The following GOLM1 variants were observed in gnomAD, a reference collection of about 807,000 sequenced individuals.
GOLM1 encodes epididymis luminal protein 46.
A neutral mutation model predicts 50.5 loss-of-function variants in GOLM1; 31 were observed. The ratio of observed to expected loss-of-function variants is 0.61; its 90% CI spans 0.46 to 0.83. GOLM1 has a LOEUF of 0.83. Among genes scored for constraint, GOLM1 ranks in the 40% least tolerant of loss-of-function variants. The pLI, the probability that GOLM1 is intolerant of heterozygous loss-of-function variation, is 0.00. For missense variants in GOLM1, 491 were observed against 501.3 expected (o/e 0.98, Z 0.20); for synonymous variants, 178 against 192.8 (o/e 0.92, Z 0.64).
At chr9:86,087,465 T>A (rs1313210583) in intron 1 of GOLM1, among the ~76,000 whole-genome samples, 1 of 152,186 alleles carries the variant, frequency 6.6e-6, no homozygotes, top group Non-Finnish European at 1.5e-5. Context: ...TGGCCAGAAC[T>A]TCAAATACCA....
intron 9 of GOLM1, among the ~76,000 whole-genome samples, chr9:86,032,374 A>G (rs966965316): frequency 3.9e-5 from 6 of 152,084 alleles, no homozygotes; most frequent in African/African-American, 1.4e-4. Context: ...TCACCGTGTT[A>G]GCCAGGATGG....
intron 1 of GOLM1, among the ~76,000 whole-genome samples, chr9:86,083,861 C>T (rs1041459092): frequency 3.9e-5 from 6 of 152,134 alleles, no homozygotes; most frequent in African/African-American, 1.4e-4. Flanking sequence ...GCAACAAAAC[C>T]TGAACTGAGA....
chr9:86,053,646 C>CACACCATTCCAA (rs1833879843), intron 3 of GOLM1, among the ~76,000 whole-genome samples: 1 of 129,400 alleles, frequency 7.7e-6, no homozygotes, highest in Non-Finnish European at 1.6e-5. Flanking sequence ...ACACACACCA[C>CACACCATTCCAA]ACCATGCTAC....
intron 4 of GOLM1, among the ~76,000 whole-genome samples, chr9:86,051,449 C>T (rs7860018): frequency 0.3 from 45,454 of 151,902 alleles, 9,453 homozygotes; most frequent in African/African-American, 0.59. Flanking sequence ...GATCTGTCTA[C>T]TGTTGACAGT....
rs373672327 is a variant in GOLM1 at position 86,036,427 on chromosome 9, G to A, written c.678C>T (p.Asn226=). 1.8e-5 allele frequency: 29 copies of A among 1,614,106 alleles called. No homozygotes were observed. The highest frequency in any genetic ancestry group is 1.5e-4 in the South Asian group (14 of 91,076). Residue 226 remains asparagine (N), a synonymous_variant, in exon 7 of 10, where the codon AAC becomes AAT. Transcript: ENST00000388712. ...PHTEVPQGKG[N]VLGNSKSQTP... The stretch of plus-strand genomic sequence containing the variant: ...TCTGGGACTTGCTGTTACCAAGCAC[G>A]TTTCCCTTCCCTTGTGGCACCTCTG...
At chr9:86,057,243 A>G (rs527700720) in intron 3 of GOLM1, among the ~76,000 whole-genome samples, 2 of 152,342 alleles carry the variant, frequency 1.3e-5, no homozygotes, top group South Asian at 4.1e-4. Context: ...TTTCTGTATT[A>G]GATTCCTAGA....
At chr9:86,062,810 G>A (rs989864519) in intron 3 of GOLM1, among the ~76,000 whole-genome samples, 1 of 152,116 alleles carries the variant, frequency 6.6e-6, no homozygotes, top group African/African-American at 2.4e-5. Context: ...TAACCTACAC[G>A]TGACTTGGGT....
intron 1 of GOLM1, among the ~76,000 whole-genome samples, chr9:86,086,921 T>C (rs1834991817): frequency 6.6e-6 from 1 of 152,170 alleles, no homozygotes; most frequent in South Asian, 2.1e-4. Flanking sequence ...CTTAGGATTG[T>C]CTTGGCTATA....
chr9:86,035,305 TG>T, intron 8 of GOLM1, 62 bp downstream of exon 8: 3 of 1,581,702 alleles, frequency 1.9e-6, no homozygotes, highest in Non-Finnish European at 2.6e-6. Context: ...GGGAAGGACA[TG>T]GAGGTGGGCT....
At chr9:86,055,363 G>A (rs1187713773) in intron 3 of GOLM1, among the ~76,000 whole-genome samples, 3 of 152,144 alleles carry the variant, frequency 2.0e-5, no homozygotes, top group African/African-American at 7.2e-5. Context: ...CGCAGCACCT[G>A]CTACTCTTGG....
chr9:86,064,843 C>T (rs998634823), intron 3 of GOLM1, among the ~76,000 whole-genome samples: 28 of 152,348 alleles, frequency 1.8e-4, no homozygotes, highest in African/African-American at 6.7e-4. Flanking sequence ...ATCGGCTCCT[C>T]CACGTCGGTT....
rs542110345 is a variant in GOLM1, at chr9:86,083,017, T to C, written c.-21-3676A>G. Among the ~76,000 whole-genome samples, 25 of 152,348 alleles carry C rather than the reference T, an allele frequency of 1.6e-4. 1 individual carries two copies. The South Asian group carries it at 4.8e-3, about 29-fold the overall frequency. On this transcript the variant is annotated intron_variant, in intron 1 of 9. Coordinates refer to ENST00000388712, the MANE Select transcript of GOLM1 (RefSeq NM_016548.4). Reference sequence around the variant, plus strand: ...TTCAAAGGGCTGAATAGGGCACCACTGTGTGCCAAGATCTGCTTAACTGAT... The same window carrying C: ...TTCAAAGGGCTGAATAGGGCACCACCGTGTGCCAAGATCTGCTTAACTGAT...
chr9:86,033,344 T>C lies in GOLM1; in HGVS notation c.1067A>G (p.Asn356Ser). ...RGEDDYNMDE[N>S]EAESETDKQA... Reference sequence around the variant, plus strand: ...CTTGTCTGTCTCAGATTCTGCTTCATTTTCATCCATGTTGTAGTCATCTTC... The same window carrying C: ...CTTGTCTGTCTCAGATTCTGCTTCACTTTCATCCATGTTGTAGTCATCTTC... The change falls in exon 9 of 10, where the codon AAT becomes AGT. Residue 356 changes from asparagine (N) to serine (S), a missense_variant. Asn to Ser is a conservative substitution (Grantham distance 46). Coordinates refer to ENST00000388712, the MANE Select transcript of GOLM1 (RefSeq NM_016548.4). 1 of 1,613,708 alleles carries C rather than the reference T, an allele frequency of 6.2e-7. No homozygotes were observed. The highest frequency in any genetic ancestry group is 8.5e-7 in the Non-Finnish European group (1 of 1,179,576).
intron 5 of GOLM1, among the ~76,000 whole-genome samples, chr9:86,042,472 C>T (rs1833388310): frequency 6.6e-6 from 1 of 151,742 alleles, no homozygotes; most frequent in African/African-American, 2.4e-5. Flanking sequence ...GAGTTCAAAG[C>T]ACCACTGGGT....
rs189104245 is a variant in GOLM1, at chr9:86,031,499, T to C, written c.1129+1783A>G. Among the ~76,000 whole-genome samples the C allele has an allele frequency of 6.5e-3, 942 of 144,110 alleles. 4 individuals are homozygous for C. Among genetic ancestry groups the C allele is most frequent in the Non-Finnish European group, 0.011 (728 of 66,070 alleles). The allele number at this position is 144,110 out of a possible 152,430, so 94.5% of individuals were successfully genotyped here. A position where few individuals can be genotyped will look rare whatever the true frequency, so the allele number is the denominator to read the frequency against. The stretch of plus-strand genomic sequence containing the variant: ...TCCCCGAGACGGAGTTTCACTCTTC[T>C]TGCCCAGGCTGGAGTGCAATGTCAC... On this transcript the variant is annotated intron_variant, in intron 9 of 9. Coordinates refer to ENST00000388712, the MANE Select transcript of GOLM1 (RefSeq NM_016548.4).
In GOLM1 at chr9:86,035,504, G is replaced by A. The variant is rs1247896068; in HGVS notation, c.879C>T (p.Ala293=). Residue 293 remains alanine (A), a synonymous_variant, in exon 8 of 10, where the codon GCC becomes GCT. Coordinates refer to ENST00000388712, the MANE Select transcript of GOLM1 (RefSeq NM_016548.4). ...CCTGTGGGGTCTGGCCCAGTTCTCC[G>A]GCTCCCCCGAAGCCTCTTCCACCTA... ...RPVGGRGFGG[A]GELGQTPQVQ... is the part of the protein sequence containing the mutation. 1.7e-5 allele frequency: 28 copies of A among 1,612,736 alleles called. No homozygotes were observed. The highest frequency in any genetic ancestry group is 8.0e-5 in the African/African-American group (6 of 74,758).
At chr9:86,082,553 A>G (rs866905638) in intron 1 of GOLM1, among the ~76,000 whole-genome samples, 16 of 148,768 alleles carry the variant, frequency 1.1e-4, no homozygotes, top group Admixed American at 2.7e-4. Flanking sequence ...TGATCCTCCC[A>G]CTTCAGCTTC....
At chr9:86,028,595 A>G (rs918091716) in intron 9 of GOLM1, among the ~76,000 whole-genome samples, 2 of 152,220 alleles carry the variant, frequency 1.3e-5, no homozygotes, top group African/African-American at 4.8e-5. Flanking sequence ...GCGATAAGGC[A>G]GAGGGTCTAA....
rs1832816091 is a variant in GOLM1, at chr9:86,027,316, A to C, written c.*501T>G. 1.0e-6 allele frequency: 1 copy of C among 985,872 alleles called. No individual in the cohort carries two copies. The highest frequency in any genetic ancestry group is 4.7e-5 in the South Asian group (1 of 21,328). The allele number at this position is 985,872 out of a possible 1,614,324, so 61.1% of individuals were successfully genotyped here. A position where few individuals can be genotyped will look rare whatever the true frequency, so the allele number is the denominator to read the frequency against. On this transcript the variant is annotated 3_prime_UTR_variant, in exon 10 of 10. Transcript: ENST00000388712. ...AGTGCTCTAGGCCATTGATTGATTG[A>C]TTGTCAGAATCAGAAGTGACTACAC...
Sources: gnomAD v4.1 joint callset for allele counts (sites outside exome capture counted in the v4.1 genomes callset) on GRCh38, gnomAD v4.1.1 for gene constraint, MANE v1.5 for transcripts, NCBI Gene and HGNC (gene_info 2026-07-23, HGNC 2026-07-21) for gene names.